PTPN9: variants seen among roughly 807,000 people sequenced by gnomAD.
The protein encoded by PTPN9 is tyrosine-protein phosphatase non-receptor type 9.
PTPN9 carries 26 observed loss-of-function variants against 69.8 expected under a neutral mutation model. That is an observed-to-expected ratio of 0.37 (90% CI 0.27 to 0.52). The LOEUF is 0.52. Among genes scored for constraint, PTPN9 ranks in the 20% least tolerant of loss-of-function variants. The pLI is 0.91. For synonymous variants in PTPN9, 274 were observed against 272.5 expected (o/e 1.01, Z -0.05); for missense variants, 549 against 740.3 (o/e 0.74, Z 3.00).
chr15:75,537,238 A>G (rs1194025988), intron 1 of PTPN9, among the ~76,000 whole-genome samples: 6 of 150,102 alleles, frequency 4.0e-5, no homozygotes, highest in Admixed American at 6.7e-5. Flanking sequence ...TGTAATCCCA[A>G]CTACTCAGGA....
chr15:75,575,272 C>T lies in PTPN9; in HGVS notation c.63+3442G>A, dbSNP rs374660949. Among the ~76,000 whole-genome samples the T allele has an allele frequency of 1.8e-4, 5 of 27,116 alleles. 1 individual carries two copies. The highest frequency in any genetic ancestry group is 1.7e-3 in the African/African-American group (3 of 1,724). 17.8% of individuals were successfully genotyped at this position (27,116 alleles called of 152,430 possible). A position where few individuals can be genotyped will look rare whatever the true frequency, so the allele number is the denominator to read the frequency against. ...ACAGGCGTGAGCCACCGCGCCCGGC[C>T]GAAAAGAAATATCTTTAAGGCTGTT... On this transcript the variant is annotated intron_variant, in intron 1 of 12. Transcript: ENST00000618819.
chr15:75,538,423 G>A (rs775799849), intron 1 of PTPN9, among the ~76,000 whole-genome samples: 2 of 152,154 alleles, frequency 1.3e-5, no homozygotes, highest in Non-Finnish European at 2.9e-5. Flanking sequence ...TAGGCCAGGT[G>A]TGGTGGCTCC....
At position 75,527,139 on chromosome 15, in the gene PTPN9, T is replaced by C. The variant is rs1567504061; in HGVS notation, c.186A>G (p.Ile62Met). 6.2e-7 allele frequency: 1 copy of C among 1,614,178 alleles called. No homozygotes were observed. The highest frequency in any genetic ancestry group is 8.5e-7 in the Non-Finnish European group (1 of 1,180,032). ...ATACTCTGTAGGAGTGGAACAATTC[T>C]ATGGCACGGAGCACATCAAACTTCC... ...MARKFDVLRA[I>M]ELFHSYRETR... Residue 62 changes from isoleucine (I) to methionine (M), a missense_variant, in exon 2 of 13, where the codon ATA becomes ATG. Coordinates refer to ENST00000618819, the MANE Select transcript of PTPN9 (RefSeq NM_002833.4).
At position 75,517,257 on chromosome 15, in the gene PTPN9, A is replaced by C. The variant is rs1181936794; in HGVS notation, c.528+2T>G. 1 of 1,608,420 alleles carries C rather than the reference A, an allele frequency of 6.2e-7. No individual in the cohort carries two copies. The highest frequency in any genetic ancestry group is 8.5e-7 in the Non-Finnish European group (1 of 1,174,926). On this transcript the variant is annotated splice_donor_variant, in intron 5 of 12. Transcript: ENST00000618819. LOFTEE classifies it high-confidence loss of function. Reference sequence around the variant, plus strand: ...ACTTGAGAGGGCCCTCCATAGCCTTACCTTCAGCAGGTTTAGGACTTTCTT... The same window carrying C: ...ACTTGAGAGGGCCCTCCATAGCCTTCCCTTCAGCAGGTTTAGGACTTTCTT...
intron 1 of PTPN9, among the ~76,000 whole-genome samples, chr15:75,568,379 AC>A (rs2075135086): frequency 6.6e-6 from 1 of 151,534 alleles, no homozygotes; most frequent in South Asian, 2.1e-4. Flanking sequence ...GTGGTGGTGC[AC>A]GCTTTTAGTC....
intron 4 of PTPN9, among the ~76,000 whole-genome samples, chr15:75,519,249 C>G (rs1445056562): frequency 1.3e-5 from 2 of 152,174 alleles, no homozygotes; most frequent in Non-Finnish European, 2.9e-5. Flanking sequence ...GCTAGGACTA[C>G]AGGTGCCCAC....
intron 5 of PTPN9, among the ~76,000 whole-genome samples, chr15:75,513,699 G>A (rs748211356): frequency 2.6e-5 from 4 of 151,896 alleles, no homozygotes; most frequent in East Asian, 1.9e-4. Context: ...CCCGGGAGGC[G>A]GAGGCTGCAG....
rs75475512 is a variant in PTPN9, at chr15:75,539,013, A to C, written c.64-11752T>G. 3.5e-4 allele frequency among the ~76,000 whole-genome samples: 53 copies of C among 152,216 alleles called. No individual in the cohort carries two copies. In the East Asian group the frequency reaches 8.9e-3, roughly 26 times the overall value. On this transcript the variant is annotated intron_variant, in intron 1 of 12. Transcript: ENST00000618819. Reference sequence around the variant, plus strand: ...AGCAAGACCCAGTCTCTATAAAAAAAATAAAAAAGAAAGAAAGAAAGAAAG... The same window carrying C: ...AGCAAGACCCAGTCTCTATAAAAAACATAAAAAAGAAAGAAAGAAAGAAAG...
At chr15:75,474,352 C>G (rs779986052) in intron 9 of PTPN9, among the ~76,000 whole-genome samples, 3 of 152,096 alleles carry the variant, frequency 2.0e-5, no homozygotes, top group Non-Finnish European at 4.4e-5. Flanking sequence ...AACCCCATCT[C>G]TATGAAAAAT....
At chr15:75,502,470 G>A (rs1051565416) in intron 7 of PTPN9, among the ~76,000 whole-genome samples, 1 of 151,958 alleles carries the variant, frequency 6.6e-6, no homozygotes, top group Non-Finnish European at 1.5e-5. Flanking sequence ...AAAAGAGAGG[G>A]AGGGAGGAAG....
intron 1 of PTPN9, among the ~76,000 whole-genome samples, chr15:75,549,390 G>A (rs1320352220): frequency 6.6e-6 from 1 of 151,804 alleles, no homozygotes. Context: ...TTGTAGAGAC[G>A]AGGTTTCACC....
chr15:75,563,466 G>A (rs1399755882), intron 1 of PTPN9, among the ~76,000 whole-genome samples: 5 of 152,196 alleles, frequency 3.3e-5, no homozygotes, highest in African/African-American at 1.2e-4. Flanking sequence ...GGGATTACAG[G>A]CGTGAGCCCA....
intron 5 of PTPN9, among the ~76,000 whole-genome samples, chr15:75,511,172 GA>G (rs2074843743): frequency 6.6e-6 from 1 of 152,112 alleles, no homozygotes; most frequent in African/African-American, 2.4e-5. Context: ...CACTTGTCCA[GA>G]TTTGAGGAGC....
At chr15:75,488,385 C>T (rs867870136) in intron 8 of PTPN9, among the ~76,000 whole-genome samples, 1 of 148,670 alleles carries the variant, frequency 6.7e-6, no homozygotes, top group Admixed American at 6.7e-5. Flanking sequence ...TTGGGTTTTT[C>T]GGAGATATCA....
chr15:75,543,267 G>A (rs1271624419), intron 1 of PTPN9, among the ~76,000 whole-genome samples: 1 of 152,036 alleles, frequency 6.6e-6, no homozygotes, highest in Non-Finnish European at 1.5e-5. Flanking sequence ...AGTCCTGCAA[G>A]AAATCACAGT....
At chr15:75,493,963 G>A (rs1484695125) in intron 7 of PTPN9, among the ~76,000 whole-genome samples, 2 of 151,842 alleles carry the variant, frequency 1.3e-5, no homozygotes, top group Non-Finnish European at 2.9e-5. Context: ...ACTATGCCCT[G>A]GCTACTTGTT....
chr15:75,482,796 A>T (rs541887382), intron 8 of PTPN9, among the ~76,000 whole-genome samples: 2 of 150,820 alleles, frequency 1.3e-5, no homozygotes, highest in East Asian at 3.9e-4. Context: ...TTAAAAAAAA[A>T]TACAAAAAAA....
intron 1 of PTPN9, among the ~76,000 whole-genome samples, chr15:75,560,645 G>A (rs909667096): frequency 1.3e-5 from 2 of 152,244 alleles, no homozygotes; most frequent in African/African-American, 4.8e-5. Context: ...GCCAAAAGAG[G>A]AGGATTGCTT....
intron 9 of PTPN9, among the ~76,000 whole-genome samples, chr15:75,477,076 A>G (rs1022533537): frequency 6.6e-6 from 1 of 152,254 alleles, no homozygotes; most frequent in African/African-American, 2.4e-5. Context: ...GACATAGGTG[A>G]AACAATCCAC....
Sources: gnomAD v4.1 joint callset for allele counts (sites outside exome capture counted in the v4.1 genomes callset) on GRCh38, gnomAD v4.1.1 for gene constraint, MANE v1.5 for transcripts, NCBI Gene and HGNC (gene_info 2026-07-23, HGNC 2026-07-21) for gene names.